Variants in ZNF350 observed in about 807,000 individuals in gnomAD.
ZNF350 encodes KRAB zinc finger protein ZFQR.
A neutral mutation model predicts 13.1 loss-of-function variants in ZNF350; 5 were observed. The ratio of observed to expected loss-of-function variants is 0.38; its 90% CI spans 0.20 to 0.80. The LOEUF (loss-of-function observed/expected upper bound fraction) is 0.80. Among genes scored for constraint, ZNF350 ranks in the 30% least tolerant of loss-of-function variants. The probability of loss-of-function intolerance (pLI) is 0.43; values close to 1 mark genes in which losing one functional copy is unlikely to be tolerated. For missense variants in ZNF350, 534 were observed against 644.2 expected, an observed-to-expected ratio of 0.83 and a Z score of 1.85; for synonymous variants, 199 against 224.2, an observed-to-expected ratio of 0.89 and a Z score of 1.00.
intron 1 of ZNF350, among the ~76,000 whole-genome samples, chr19:51,978,332 C>T (rs959970508): frequency 2.0e-5 from 3 of 152,138 alleles, no homozygotes; most frequent in African/African-American, 7.2e-5. Flanking sequence ...CCTTTACCGA[C>T]AGGATACACA....
At chr19:51,968,941 G>T (rs1399748908) in intron 3 of ZNF350, 64 bp downstream of exon 3, 5 of 1,613,476 alleles carry the variant, frequency 3.1e-6, no homozygotes, top group Non-Finnish European at 4.2e-6. Context: ...AAAGAGGTAG[G>T]CATCTGAGAA....
chr19:51,972,630 A>AAT (rs777371848), intron 2 of ZNF350, among the ~76,000 whole-genome samples: 8 of 152,198 alleles, frequency 5.3e-5, no homozygotes, highest in African/African-American at 1.7e-4. Flanking sequence ...TATCATGTAA[A>AAT]ATATATATAT....
At chr19:51,969,302 T>C (rs1318956230) in intron 2 of ZNF350, among the ~76,000 whole-genome samples, 171 bp from the exon 3 acceptor site, 1 of 152,134 alleles carries the variant, frequency 6.6e-6, no homozygotes, top group Non-Finnish European at 1.5e-5. Flanking sequence ...TGTAACTGTA[T>C]ATTCAGTCAT....
chr19:51,965,146 T>C lies in ZNF350; in HGVS notation c.1307A>G (p.Asn436Ser). The change falls in exon 5 of 5, where the codon AAT becomes AGT. Residue 436 changes from asparagine (N) to serine (S), a missense_variant. Asn to Ser is a conservative substitution (Grantham distance 46). Transcript: ENST00000243644. Reference protein sequence around the residue: ...REKQEAAKVENPPAERHSSLH... With the variant: ...REKQEAAKVESPPAERHSSLH... Reference sequence around the variant, plus strand: ...TGAGCTGTGCCTCTCTGCAGGAGGATTTTCCACCTTGGCTGCCTCTTGTTT... The same window carrying C: ...TGAGCTGTGCCTCTCTGCAGGAGGACTTTCCACCTTGGCTGCCTCTTGTTT... 2 of 1,614,170 alleles carry C rather than the reference T, an allele frequency of 1.2e-6. No homozygotes were observed. Among genetic ancestry groups the C allele is most frequent in the Non-Finnish European group, 1.7e-6 (2 of 1,180,040 alleles).
At chr19:51,968,408 TTG>T in intron 4 of ZNF350, 168 bp downstream of exon 4, 2 of 634,092 alleles carry the variant, frequency 3.2e-6, no homozygotes, top group Non-Finnish European at 5.6e-6. Flanking sequence ...TTGTTTTGTT[TTG>T]TTTTTTTTTA....
At chr19:51,972,637 A>G (rs1288586138) in intron 2 of ZNF350, among the ~76,000 whole-genome samples, 2 of 152,128 alleles carry the variant, frequency 1.3e-5, no homozygotes, top group Non-Finnish European at 2.9e-5. Context: ...TAAAATATAT[A>G]TATGTGTATA....
Position 51,965,190 on chromosome 19 carries a change from C to T in ZNF350, c.1263G>A (p.Lys421=), listed in dbSNP as rs1244045594. Residue 421 remains lysine (K), a synonymous_variant, in exon 5 of 5, where the codon AAG becomes AAA. Coordinates refer to ENST00000243644, the MANE Select transcript of ZNF350 (RefSeq NM_021632.4). Reference sequence around the variant, plus strand: ...CTTGTTTCTCCCTTGTGTGTATTCTCTTATGCTTAACCAGACACGACATAT... The same window carrying T: ...CTTGTTTCTCCCTTGTGTGTATTCTTTTATGCTTAACCAGACACGACATAT... ...FAYMSCLVKH[K]RIHTREKQEA... 1.9e-6 allele frequency: 3 copies of T among 1,614,194 alleles called. No individual in the cohort carries two copies. The South Asian group carries it at 3.3e-5, about 18-fold the overall frequency.
rs2122927664 is a variant in ZNF350 at position 51,976,487 on chromosome 19, A to C, written c.-171-1956T>G. 6.6e-6 allele frequency: 1 copy of C among 152,510 alleles called. No homozygotes were observed. The highest frequency in any genetic ancestry group is 2.1e-4 in the South Asian group (1 of 4,830). 9.4% of individuals were successfully genotyped at this position (152,510 alleles called of 1,614,324 possible). Reference sequence around the variant, plus strand: ...CCAAACATGGGACTTCAAGGACGTGAATGAAGAAGGTCTGCTGGAGCAGAG... The same window carrying C: ...CCAAACATGGGACTTCAAGGACGTGCATGAAGAAGGTCTGCTGGAGCAGAG... On this transcript the variant is annotated intron_variant, in intron 1 of 4. Transcript: ENST00000243644. This position sits in a 1 kb window ranked among gnomAD's most constrained non-coding sequence, Gnocchi z 4.5.
chr19:51,965,998 T>C lies in ZNF350; in HGVS notation c.455A>G (p.Lys152Arg), dbSNP rs1416247722. ...LVNQSKGYEIKNSVEFTGNGD... is the reference protein window; with the variant it reads ...LVNQSKGYEIRNSVEFTGNGD... ...ATTTCCAGTAAACTCAACAGAGTTC[T>C]TTATTTCATAGCCTTTGCTCTGGTT... The change falls in exon 5 of 5, where the codon AAG becomes AGG. Residue 152 changes from lysine to arginine, a missense_variant. Transcript: ENST00000243644. 5 of 1,614,160 alleles carry C rather than the reference T, an allele frequency of 3.1e-6. No homozygotes were observed. The Admixed American group carries it at 6.7e-5, about 22-fold the overall frequency.
intron 1 of ZNF350, among the ~76,000 whole-genome samples, chr19:51,983,224 A>G (rs750453534): frequency 7.2e-5 from 11 of 152,144 alleles, no homozygotes; most frequent in Non-Finnish European, 8.8e-5. Flanking sequence ...CTCCAGTCTC[A>G]AGTACCCAGG....
rs1243283360 is a variant in ZNF350 at position 51,976,559 on chromosome 19, GGCA to G, written c.-171-2031_-171-2029del. On this transcript the variant is annotated intron_variant, in intron 1 of 4. Coordinates refer to ENST00000243644, the MANE Select transcript of ZNF350 (RefSeq NM_021632.4). The surrounding 1 kb of genome is among the most constrained non-coding windows in gnomAD (Gnocchi z 4.5). Reference sequence around the variant, plus strand: ...AAGGGGACCCTGGGAAGAGTCTGCCGGCAGCAGATATAAGGTCAGTGCCCTAAA... The same window carrying G: ...AAGGGGACCCTGGGAAGAGTCTGCCGGCAGATATAAGGTCAGTGCCCTAAA... 2.0e-5 allele frequency: 3 copies of G among 152,356 alleles called. No homozygotes were observed. The highest frequency in any genetic ancestry group is 4.4e-5 in the Non-Finnish European group (3 of 68,164). 9.4% of individuals were successfully genotyped at this position (152,356 alleles called of 1,614,324 possible).
At chr19:51,966,543 G>A (rs537585238) in intron 4 of ZNF350, among the ~76,000 whole-genome samples, 1 of 148,206 alleles carries the variant, frequency 6.7e-6, no homozygotes, top group East Asian at 2.0e-4. Context: ...CTCAGCCAAA[G>A]TATTTTTTGT....
rs1480638266 is a variant in ZNF350, at chr19:51,976,901, T to C, written c.-171-2370A>G. The C allele has an allele frequency of 6.6e-6, 1 of 152,214 alleles. No homozygotes were observed. The highest frequency in any genetic ancestry group is 1.5e-5 in the Non-Finnish European group (1 of 68,038). 9.4% of individuals were successfully genotyped at this position (152,214 alleles called of 1,614,324 possible). On this transcript the variant is annotated intron_variant, in intron 1 of 4. Coordinates refer to ENST00000243644, the MANE Select transcript of ZNF350 (RefSeq NM_021632.4). The surrounding 1 kb of genome is among the most constrained non-coding windows in gnomAD (Gnocchi z 4.5). ...TCTTCTGTTTTCTCCACTTGGAGTT[T>C]AGTTCGTACTGTACTTCTGCCATTA...
intron 1 of ZNF350, among the ~76,000 whole-genome samples, chr19:51,978,574 G>T (rs932924073): frequency 6.6e-6 from 1 of 152,140 alleles, no homozygotes; most frequent in Non-Finnish European, 1.5e-5. Context: ...AACTACATGG[G>T]AAATCTATCT....
rs369051820 is a variant in ZNF350 at position 51,969,051 on chromosome 19, C to T, written c.96G>A (p.Leu32=). 1.2e-5 allele frequency: 19 copies of T among 1,614,000 alleles called. No individual in the cohort carries two copies. The highest frequency in any genetic ancestry group is 6.7e-5 in the African/African-American group (5 of 74,924). The change falls in exon 3 of 5, where the codon CTG becomes CTA. Residue 32 remains leucine, a synonymous_variant. Coordinates refer to ENST00000243644, the MANE Select transcript of ZNF350 (RefSeq NM_021632.4). ...WQLLGAAQKD[L]YRDVMLENYS... ...AGTTCTCCAACATCACATCCCGGTA[C>T]AGGTCCTTCTGAGCAGCGCCCAGGA...
At chr19:51,975,442 A>AAAAC (rs2085863944) in intron 1 of ZNF350, among the ~76,000 whole-genome samples, 1 of 151,494 alleles carries the variant, frequency 6.6e-6, no homozygotes, top group East Asian at 1.9e-4. Flanking sequence ...AAAAAAAAAA[A>AAAAC]AAAAAAAAAA....
At chr19:51,974,884 T>A (rs923487356) in intron 1 of ZNF350, 1 of 153,348 alleles carries the variant, frequency 6.5e-6, no homozygotes, top group South Asian at 2.0e-4. Context: ...CTTTAAATCA[T>A]GTGTGCTCCC....
chr19:51,965,433 G>C lies in ZNF350; in HGVS notation c.1020C>G (p.His340Gln). ...TGCACACAAAGGGCGTCTTTCCTGTGTGAAATCTCTGATGTGCTATGAGAC... is the reference window on the plus strand; with the variant it reads ...TGCACACAAAGGGCGTCTTTCCTGTCTGAAATCTCTGATGTGCTATGAGAC... Reference protein sequence around the residue: ...KTCLIAHQRFHTGKTPFVCSE... With the variant: ...KTCLIAHQRFQTGKTPFVCSE... The change falls in exon 5 of 5, where the codon CAC (histidine) becomes CAG (glutamine). Residue 340 changes from histidine to glutamine, a missense_variant. By Grantham distance (24) the His-to-Gln change is conservative. Transcript: ENST00000243644. 6.2e-7 allele frequency: 1 copy of C among 1,613,892 alleles called. No homozygotes were observed. Among genetic ancestry groups the C allele is most frequent in the Non-Finnish European group, 8.5e-7 (1 of 1,179,970 alleles).
At position 51,964,461 on chromosome 19, in the gene ZNF350, C is replaced by G. The variant is rs2085510257; in HGVS notation, c.*393G>C. 1 of 198,570 alleles carries G rather than the reference C, an allele frequency of 5.0e-6. No homozygotes were observed. Among genetic ancestry groups the G allele is most frequent in the Non-Finnish European group, 1.0e-5 (1 of 98,000 alleles). The allele number at this position is 198,570 out of a possible 1,614,324, so 12.3% of individuals were successfully genotyped here. ...ATTAATCCTCCACACTGGCACTGGTCTAAGGAAACTGAATTGACACATATG... is the reference window on the plus strand; with the variant it reads ...ATTAATCCTCCACACTGGCACTGGTGTAAGGAAACTGAATTGACACATATG... On this transcript the variant is annotated 3_prime_UTR_variant, in exon 5 of 5. Coordinates refer to ENST00000243644, the MANE Select transcript of ZNF350 (RefSeq NM_021632.4).
Sources: allele counts gnomAD v4.1 joint callset (sites outside exome capture counted in the v4.1 genomes callset), GRCh38; gene constraint gnomAD v4.1.1; non-coding constraint Gnocchi (gnomAD v3.1); transcripts MANE v1.5; gene names NCBI Gene and HGNC (gene_info 2026-07-23, HGNC 2026-07-21).